The following KCNT2 variants were observed in gnomAD, a reference collection of about 807,000 sequenced individuals.
The protein encoded by KCNT2 is potassium channel subfamily T member 2.
KCNT2 carries 67 observed loss-of-function variants against 153.8 expected under a neutral mutation model. The ratio of observed to expected loss-of-function variants is 0.44; its 90% CI spans 0.36 to 0.53. KCNT2 has a LOEUF of 0.53. Ranked by LOEUF, KCNT2 falls within the 20% of genes least tolerant of loss-of-function variation. KCNT2 has a pLI of 0.00. For missense variants in KCNT2, 975 were observed against 1,354.8 expected, an observed-to-expected ratio of 0.72 and a Z score of 4.40; for synonymous variants, 500 against 458.8, an observed-to-expected ratio of 1.09 and a Z score of -1.15.
At chr1:196,391,043 G>A (rs1014026504) in intron 13 of KCNT2, among the ~76,000 whole-genome samples, 2 of 151,164 alleles carry the variant, frequency 1.3e-5, no homozygotes, top group African/African-American at 4.8e-5. Context: ...GCAATATACA[G>A]TGAGACTAGA....
chr1:196,492,906 A>G (rs1314560177), intron 1 of KCNT2, among the ~76,000 whole-genome samples: 1 of 152,196 alleles, frequency 6.6e-6, no homozygotes, highest in East Asian at 1.9e-4. Context: ...ATCAACCAAG[A>G]AGTAGCAGTG....
intron 1 of KCNT2, among the ~76,000 whole-genome samples, chr1:196,563,868 A>G (rs1659753171): frequency 6.6e-6 from 1 of 151,986 alleles, no homozygotes; most frequent in Admixed American, 6.6e-5. Flanking sequence ...TTAACACAAT[A>G]AAGGCCATCT....
intron 9 of KCNT2, 105 bp from the exon 10 acceptor site, chr1:196,428,374 A>G: frequency 1.3e-6 from 1 of 747,134 alleles, no homozygotes; most frequent in Non-Finnish European, 2.2e-6. Flanking sequence ...CCTAGATGGA[A>G]CTCATTGAGA....
chr1:196,525,681 A>G (rs1050092212), intron 1 of KCNT2, among the ~76,000 whole-genome samples: 3 of 152,228 alleles, frequency 2.0e-5, no homozygotes, highest in African/African-American at 7.2e-5. Context: ...TTTTAAAACA[A>G]CAAAAAAAGC....
intron 17 of KCNT2, 62 bp from the exon 18 acceptor site, chr1:196,331,323 C>A (rs768926270): frequency 1.2e-6 from 1 of 828,288 alleles, no homozygotes; most frequent in African/African-American, 1.7e-5. Context: ...AATTAAGTTA[C>A]GACCATGTTC....
chr1:196,329,768 T>A (rs1664256015), intron 18 of KCNT2, among the ~76,000 whole-genome samples: 1 of 148,554 alleles, frequency 6.7e-6, no homozygotes, highest in South Asian at 2.1e-4. Context: ...AAGGACCGCA[T>A]ATATATACAC....
chr1:196,390,890 C>CTT (rs61134739), intron 13 of KCNT2, among the ~76,000 whole-genome samples: 30,832 of 122,832 alleles, frequency 0.25, 3,799 homozygotes, highest in Admixed American at 0.29. Flanking sequence ...CTCATTCATT[C>CTT]TTTTTTTTTT....
chr1:196,276,379 T>C (rs1470795701), intron 25 of KCNT2, among the ~76,000 whole-genome samples: 2 of 152,104 alleles, frequency 1.3e-5, no homozygotes, highest in East Asian at 1.9e-4. Context: ...TGATATGTAA[T>C]TAGATATATG....
intron 19 of KCNT2, among the ~76,000 whole-genome samples, chr1:196,320,143 C>A (rs150641584): frequency 0.05 from 7,505 of 151,584 alleles, 283 homozygotes; most frequent in Non-Finnish European, 0.071. Flanking sequence ...GATATACTCT[C>A]TATATATTAT....
chr1:196,423,185 A>G, intron 11 of KCNT2, 72 bp from the exon 12 acceptor site: 1 of 983,564 alleles, frequency 1.0e-6, no homozygotes, highest in Admixed American at 2.1e-5. Context: ...ATAGAATTTC[A>G]GTCTTGAGTC....
At chr1:196,590,051 G>A (rs532289451) in intron 1 of KCNT2, among the ~76,000 whole-genome samples, 3 of 151,964 alleles carry the variant, frequency 2.0e-5, no homozygotes, top group Admixed American at 6.6e-5. Context: ...TTACCACTAC[G>A]TAGTGTATCC....
At chr1:196,556,834 T>C (rs545772902) in intron 1 of KCNT2, among the ~76,000 whole-genome samples, 1 of 151,522 alleles carries the variant, frequency 6.6e-6, no homozygotes, top group African/African-American at 2.4e-5. Context: ...TGCAACAACA[T>C]GGATGGAACT....
At chr1:196,385,772 A>AATATAT (rs1553308934) in intron 13 of KCNT2, among the ~76,000 whole-genome samples, 46 of 148,530 alleles carry the variant, frequency 3.1e-4, no homozygotes, top group Admixed American at 1.1e-3. Context: ...GCATTAAAAA[A>AATATAT]ATATATATAT....
chr1:196,410,822 C>T (rs1193762965), intron 12 of KCNT2, among the ~76,000 whole-genome samples: 1 of 151,538 alleles, frequency 6.6e-6, no homozygotes, highest in Non-Finnish European at 1.5e-5. Flanking sequence ...TTCAATTTTA[C>T]CATTTCAGAT....
intron 1 of KCNT2, among the ~76,000 whole-genome samples, chr1:196,521,742 GATGAGAACAC>G (rs1354773857): frequency 1.3e-5 from 2 of 152,040 alleles, no homozygotes; most frequent in Non-Finnish European, 2.9e-5. Context: ...GGAGCTAAAT[GATGAGAACAC>G]ATGGACACAA....
intron 25 of KCNT2, among the ~76,000 whole-genome samples, chr1:196,266,312 C>T (rs1306175813): frequency 1.3e-5 from 2 of 151,940 alleles, no homozygotes; most frequent in Admixed American, 6.6e-5. Flanking sequence ...AACAAAGTAC[C>T]CTAAATATGG....
intron 14 of KCNT2, among the ~76,000 whole-genome samples, chr1:196,355,071 A>T (rs796348459): frequency 6.6e-6 from 1 of 151,774 alleles, no homozygotes; most frequent in Non-Finnish European, 1.5e-5. Flanking sequence ...GAAGCTTCCA[A>T]AACAGATGAG....
intron 27 of KCNT2, among the ~76,000 whole-genome samples, chr1:196,232,193 T>A (rs1446957284): frequency 6.6e-6 from 1 of 151,794 alleles, no homozygotes; most frequent in Non-Finnish European, 1.5e-5. Context: ...TTACTTTAAA[T>A]ATCAATAGCA....
chr1:196,343,747 GTGTTT>G (rs577892013), intron 14 of KCNT2, among the ~76,000 whole-genome samples: 8 of 151,902 alleles, frequency 5.3e-5, no homozygotes, highest in African/African-American at 7.2e-5. Context: ...CTCTATAATC[GTGTTT>G]TGTTTTGTTT....
Sources: gnomAD v4.1 joint callset for allele counts (sites outside exome capture counted in the v4.1 genomes callset) on GRCh38, gnomAD v4.1.1 for gene constraint, MANE v1.5 for transcripts, NCBI Gene and HGNC (gene_info 2026-07-23, HGNC 2026-07-21) for gene names.